Variants in ATM observed in about 807,000 individuals in gnomAD.
The protein encoded by ATM is ATM serine/threonine kinase, also known as serine-protein kinase ATM.
ATM carries 308 observed loss-of-function variants against 387.0 expected under a neutral mutation model. The ratio of observed to expected loss-of-function variants is 0.80; its 90% CI spans 0.73 to 0.87. The LOEUF (loss-of-function observed/expected upper bound fraction) is 0.87. Among genes scored for constraint, ATM ranks in the 40% least tolerant of loss-of-function variants. The pLI, the probability that ATM is intolerant of heterozygous loss-of-function variation, is 0.00. For synonymous variants in ATM, 1,156 were observed against 1,187.3 expected (o/e 0.97, Z 0.54); for missense variants, 3,312 against 3,560.9 (o/e 0.93, Z 1.78).
At chr11:108,258,786 ATGT>A (rs892630371) in intron 15 of ATM, among the ~76,000 whole-genome samples, 197 bp from the exon 16 acceptor site, 12 of 152,190 alleles carry the variant, frequency 7.9e-5, no homozygotes, top group Non-Finnish European at 1.6e-4. Flanking sequence ...TGTTACTTTA[ATGT>A]TGTTAAAGCA....
intron 8 of ATM, among the ~76,000 whole-genome samples, chr11:108,248,519 A>T (rs1180658889): frequency 6.6e-6 from 1 of 152,112 alleles, no homozygotes; most frequent in African/African-American, 2.4e-5. Flanking sequence ...CTCTTGCTTT[A>T]TGAGTTCCCT....
At chr11:108,342,369 ATAGT>A (rs1227503975) in intron 56 of ATM, among the ~76,000 whole-genome samples, 10 of 152,224 alleles carry the variant, frequency 6.6e-5, no homozygotes, top group Admixed American at 5.2e-4. Context: ...ATATGCTCAC[ATAGT>A]TAGGATAAAA....
At chr11:108,269,137 T>C (rs2081430925) in intron 18 of ATM, among the ~76,000 whole-genome samples, 1 of 152,216 alleles carries the variant, frequency 6.6e-6, no homozygotes, top group Admixed American at 6.5e-5. Flanking sequence ...CTCCTTATAC[T>C]TCAGTGTATA....
At position 108,325,323 on chromosome 11, in the gene ATM, A is replaced by G; in HGVS notation, c.6586A>G (p.Arg2196Gly). The change falls in exon 46 of 63, where the codon AGA becomes GGA. Residue 2196 changes from arginine to glycine, a missense_variant. Arg to Gly is a moderately radical substitution (Grantham distance 125). This residue lies in a region of ATM where 1,405 missense variants were observed against 1,604.4 expected (regional missense o/e 0.88). Transcript: ENST00000675843. ...GELFSRSVTH[R>G]QLSEVYIKWQ... ...CGTGGCATTCAGATCAGTCACACAT[A>G]GACAACTCTCTGAAGTATATATTAA... 6.2e-7 allele frequency: 1 copy of G among 1,605,608 alleles called. No individual in the cohort carries two copies. Among genetic ancestry groups the G allele is most frequent in the Non-Finnish European group, 8.5e-7 (1 of 1,175,240 alleles).
Position 108,310,278 on chromosome 11 carries a change from T to C in ATM, c.5881T>C (p.Tyr1961His). Residue 1961 changes from tyrosine to histidine, a missense_variant, in exon 39 of 63, where the codon TAT becomes CAT. Around this residue, in one of 4 missense-constraint regions of ATM, gnomAD observed 1,405 missense variants for 1,604.4 expected, o/e 0.88. Transcript: ENST00000675843. ...HFTALLYAEI[Y>H]ADKKSMDDQE... is the part of the protein sequence containing the mutation. ...TACAGCTTTACTCTATGCAGAAATC[T>C]ATGCAGATAAGAAAAGTATGGATGA... The C allele has an allele frequency of 1.2e-6, 2 of 1,613,672 alleles. No individual in the cohort carries two copies. The highest frequency in any genetic ancestry group is 1.7e-6 in the Non-Finnish European group (2 of 1,179,756).
chr11:108,229,786 A>T (rs1290640459), intron 4 of ATM: 4 of 156,528 alleles, frequency 2.6e-5, no homozygotes, highest in Non-Finnish European at 5.6e-5. Context: ...TTCCTAAGTG[A>T]TCCTCCTGTC....
intron 56 of ATM, among the ~76,000 whole-genome samples, chr11:108,342,470 A>G (rs1223722794): frequency 6.6e-6 from 1 of 152,186 alleles, no homozygotes; most frequent in African/African-American, 2.4e-5. Flanking sequence ...TTGTGTACAT[A>G]TAGCTTTGAA....
intron 40 of ATM, 75 bp downstream of exon 40, chr11:108,312,573 C>A: frequency 9.5e-7 from 1 of 1,050,174 alleles, no homozygotes; most frequent in Non-Finnish European, 1.5e-6. Flanking sequence ...AGACACTGTA[C>A]AGATGCCATG....
rs552861619 is a variant in ATM, at chr11:108,277,310, G to T, written c.3285-2181G>T. 3.3e-5 allele frequency among the ~76,000 whole-genome samples: 5 copies of T among 152,320 alleles called. No homozygotes were observed. In the South Asian group the frequency reaches 8.3e-4, roughly 25 times the overall value. ...ATCTTAACTTGCTGGTCTCCATGGGGGTGGGATCCGCTGAGCTAGACCACT... is the reference window on the plus strand; with the variant it reads ...ATCTTAACTTGCTGGTCTCCATGGGTGTGGGATCCGCTGAGCTAGACCACT... On this transcript the variant is annotated intron_variant, in intron 22 of 62. Coordinates refer to ENST00000675843, the MANE Select transcript of ATM (RefSeq NM_000051.4).
intron 43 of ATM, among the ~76,000 whole-genome samples, chr11:108,317,848 C>T (rs7942747): frequency 0.051 from 7,736 of 151,450 alleles, 673 homozygotes; most frequent in African/African-American, 0.18. Context: ...GACAACTTCA[C>T]CCCACCCCTA....
chr11:108,236,191 C>T (rs1247626396), intron 5 of ATM: 8 of 284,632 alleles, frequency 2.8e-5, no homozygotes, highest in South Asian at 2.1e-4. Flanking sequence ...AACAATGACA[C>T]CTAAACTCAA....
chr11:108,296,500 C>T (rs185688177), intron 32 of ATM, among the ~76,000 whole-genome samples: 3 of 152,288 alleles, frequency 2.0e-5, no homozygotes, highest in Admixed American at 1.3e-4. Flanking sequence ...GATCCATCTG[C>T]CTCGGCCTCC....
At chr11:108,224,522 A>G (rs543812213) in intron 1 of ATM, 1 of 152,346 alleles carries the variant, frequency 6.6e-6, no homozygotes, top group South Asian at 2.1e-4. Context: ...GGTGACACTC[A>G]TACTCTAGTT....
intron 43 of ATM, 131 bp downstream of exon 43, chr11:108,317,652 T>TATATATATATATACACACACACACAC (rs1399501257): frequency 4.3e-5 from 5 of 117,454 alleles, no homozygotes; most frequent in African/African-American, 2.0e-4. Flanking sequence ...TATATATATA[T>TATATATATATATACACACACACACAC]ACACACACAC....
At chr11:108,299,476 T>C (rs1326819855) in intron 33 of ATM, 3 of 394,788 alleles carry the variant, frequency 7.6e-6, no homozygotes, top group Non-Finnish European at 1.4e-5. Flanking sequence ...TTTGTATTTT[T>C]AGTAAAGATG....
Position 108,365,889 on chromosome 11 carries a change from C to T in ATM, c.*381C>T. 4.8e-6 allele frequency: 1 copy of T among 210,164 alleles called. No homozygotes were observed. Among genetic ancestry groups the T allele is most frequent in the South Asian group, 9.7e-5 (1 of 10,336 alleles). The allele number at this position is 210,164 out of a possible 1,614,324, so 13.0% of individuals were successfully genotyped here. Reference sequence around the variant, plus strand: ...ACTAAAAATACAAAAATTAGCCGAGCATGGTGGCGGGCACCTGTAATCCCA... The same window carrying T: ...ACTAAAAATACAAAAATTAGCCGAGTATGGTGGCGGGCACCTGTAATCCCA... On this transcript the variant is annotated 3_prime_UTR_variant, in exon 63 of 63. Coordinates refer to ENST00000675843, the MANE Select transcript of ATM (RefSeq NM_000051.4).
chr11:108,346,597 T>C (rs1010133505), intron 58 of ATM: 3 of 152,652 alleles, frequency 2.0e-5, no homozygotes, highest in African/African-American at 7.2e-5. Context: ...TCCCAGGTAA[T>C]TGTGAAACTC....
chr11:108,331,039 A>G (rs2086186019), intron 50 of ATM, among the ~76,000 whole-genome samples: 1 of 152,168 alleles, frequency 6.6e-6, no homozygotes, highest in Non-Finnish European at 1.5e-5. Context: ...AGATACAGTC[A>G]ATCTCTGCTG....
chr11:108,261,520 A>G (rs1186027679), intron 16 of ATM, among the ~76,000 whole-genome samples: 1 of 152,130 alleles, frequency 6.6e-6, no homozygotes, highest in African/African-American at 2.4e-5. Context: ...AGATAAAACC[A>G]CAAAGATGGG....
Sources: allele counts gnomAD v4.1 joint callset (sites outside exome capture counted in the v4.1 genomes callset), GRCh38; gene constraint gnomAD v4.1.1; regional missense constraint gnomAD v4.1.1; transcripts MANE v1.5; gene names NCBI Gene and HGNC (gene_info 2026-07-23, HGNC 2026-07-21).